ZBTB20: variants seen among roughly 807,000 people sequenced by gnomAD.
The protein encoded by ZBTB20 is zinc finger and BTB domain containing 20, also known as zinc finger and BTB domain-containing protein 20.
ZBTB20 carries 9 observed loss-of-function variants against 56.9 expected under a neutral mutation model. The observed-to-expected ratio is 0.16, with a 90% CI of 0.10 to 0.28. The LOEUF is 0.28. ZBTB20 is among the 10% of genes least tolerant of loss of function. The pLI is 1.00. For synonymous variants in ZBTB20, 417 were observed against 420.7 expected (o/e 0.99, Z 0.11); for missense variants, 655 against 1,003.0 (o/e 0.65, Z 4.69).
rs2089251243 is a variant in ZBTB20, at chr3:114,422,289, G to A, written c.-254-33184C>T. Among the ~76,000 whole-genome samples, 4 of 152,134 alleles carry A rather than the reference G, an allele frequency of 2.6e-5. No individual in the cohort carries two copies. In the South Asian group the frequency reaches 8.3e-4, roughly 32 times the overall value. On this transcript the variant is annotated intron_variant, in intron 7 of 11. Transcript: ENST00000675478. ...CTAGAAGCCACTCTTAGACAACAAA[G>A]GACACAGTCCCCTTTGGAGTTGTTG...
Position 114,825,503 on chromosome 3 carries a change from A to G in ZBTB20, c.-416-24329T>C, listed in dbSNP as rs562595710. Among the ~76,000 whole-genome samples the G allele has an allele frequency of 6.4e-4, 98 of 152,014 alleles. 1 individual carries two copies. In the South Asian group the frequency reaches 0.015, roughly 23 times the overall value. On this transcript the variant is annotated intron_variant, in intron 4 of 11. Transcript: ENST00000675478. ...CAGAAGGGGGTTCCACTTCCTAAAAACATTTAGGAGGCCATGGGGAGACCA... is the reference window on the plus strand; with the variant it reads ...CAGAAGGGGGTTCCACTTCCTAAAAGCATTTAGGAGGCCATGGGGAGACCA...
intron 2 of ZBTB20, among the ~76,000 whole-genome samples, chr3:114,998,031 A>G (rs1374171436): frequency 6.6e-6 from 1 of 151,816 alleles, no homozygotes; most frequent in Non-Finnish European, 1.5e-5. Flanking sequence ...ATGTTTTGAT[A>G]TAACTATAAA....
At position 114,907,906 on chromosome 3, in the gene ZBTB20, T is replaced by G. The variant is rs369063620; in HGVS notation, c.-455-7564A>C. 2.6e-3 allele frequency among the ~76,000 whole-genome samples: 389 copies of G among 151,974 alleles called. 1 individual carries two copies. The highest frequency in any genetic ancestry group is 9.0e-3 in the African/African-American group (373 of 41,492). ...TAGAATGACAGACAATTATCTGCGC[T>G]AAGGAATTAAAATAAAGCAGGGAAA... On this transcript the variant is annotated intron_variant, in intron 3 of 11. Coordinates refer to ENST00000675478, the MANE Select transcript of ZBTB20 (RefSeq NM_001348800.3).
At chr3:114,419,559 T>C (rs960443853) in intron 7 of ZBTB20, among the ~76,000 whole-genome samples, 1 of 152,118 alleles carries the variant, frequency 6.6e-6, no homozygotes, top group East Asian at 1.9e-4. Context: ...GATAGGGACC[T>C]GTACAGTTCT....
chr3:114,972,152 A>G (rs1436707000), intron 3 of ZBTB20, among the ~76,000 whole-genome samples: 1 of 152,216 alleles, frequency 6.6e-6, no homozygotes, highest in Admixed American at 6.5e-5. Flanking sequence ...GAAAAAGGAG[A>G]TTCTAACATT....
chr3:114,327,131 C>T lies in ZBTB20; in HGVS notation c.*11874G>A, dbSNP rs570721584. 1.3e-5 allele frequency: 2 copies of T among 152,198 alleles called. No homozygotes were observed. Among genetic ancestry groups the T allele is most frequent in the East Asian group, 3.9e-4 (2 of 5,188 alleles). 9.4% of individuals were successfully genotyped at this position (152,198 alleles called of 1,614,324 possible). ...GGTGTCAGCTTGGAAAGACAGGAGG[C>T]TCATAAGCAATAATAAATTCACACC... is the stretch of plus-strand genomic sequence containing the variant. On this transcript the variant is annotated 3_prime_UTR_variant, in exon 12 of 12. Transcript: ENST00000675478.
intron 2 of ZBTB20, among the ~76,000 whole-genome samples, chr3:114,978,221 T>C (rs959902655): frequency 2.0e-5 from 3 of 149,784 alleles, no homozygotes; most frequent in Non-Finnish European, 4.4e-5. Flanking sequence ...TCTTCTAAAA[T>C]ATGGAATGCA....
intron 6 of ZBTB20, among the ~76,000 whole-genome samples, chr3:114,581,030 G>A (rs2054589093): frequency 6.6e-6 from 1 of 151,880 alleles, no homozygotes; most frequent in East Asian, 1.9e-4. Context: ...ATCTTACCAA[G>A]TAAAAAGAAT....
At chr3:114,469,471 A>G (rs1474954093) in intron 7 of ZBTB20, among the ~76,000 whole-genome samples, 2 of 152,138 alleles carry the variant, frequency 1.3e-5, no homozygotes, top group African/African-American at 4.8e-5. Context: ...ATTTCCCTTC[A>G]TTTCCCATCT....
intron 6 of ZBTB20, among the ~76,000 whole-genome samples, chr3:114,532,458 G>C (rs1167635974): frequency 6.6e-6 from 1 of 152,210 alleles, no homozygotes; most frequent in Non-Finnish European, 1.5e-5. Context: ...TCTGAGCAGG[G>C]CATCTCTGAA....
intron 6 of ZBTB20, among the ~76,000 whole-genome samples, chr3:114,585,152 C>G (rs921193395): frequency 2.0e-5 from 3 of 151,868 alleles, no homozygotes; most frequent in Non-Finnish European, 2.9e-5. Context: ...AACAGAACGG[C>G]GAGAGGCTGA....
At chr3:114,501,570 G>C (rs2043967929) in intron 6 of ZBTB20, among the ~76,000 whole-genome samples, 1 of 140,958 alleles carries the variant, frequency 7.1e-6, no homozygotes, top group Non-Finnish European at 1.5e-5. Flanking sequence ...AGGTTGCAGT[G>C]AGCCCACATC....
At chr3:115,092,849 G>A (rs947679717) in intron 1 of ZBTB20, among the ~76,000 whole-genome samples, 2 of 152,066 alleles carry the variant, frequency 1.3e-5, no homozygotes, top group Non-Finnish European at 2.9e-5. Context: ...GTTAAGCTAA[G>A]AAAAATCATC....
chr3:114,381,475 C>G (rs2108536485), intron 8 of ZBTB20, among the ~76,000 whole-genome samples: 1 of 152,330 alleles, frequency 6.6e-6, no homozygotes, highest in Non-Finnish European at 1.5e-5. Flanking sequence ...CCCTAGACCA[C>G]AGCCAAACTG....
intron 6 of ZBTB20, among the ~76,000 whole-genome samples, chr3:114,507,012 G>A (rs1434492413): frequency 1.3e-5 from 2 of 152,202 alleles, no homozygotes; most frequent in Non-Finnish European, 2.9e-5. Flanking sequence ...TCTATTTTAG[G>A]AGACAGAGAT....
intron 6 of ZBTB20, among the ~76,000 whole-genome samples, chr3:114,521,869 A>G (rs2046677517): frequency 6.6e-6 from 1 of 152,192 alleles, no homozygotes; most frequent in Admixed American, 6.5e-5. Flanking sequence ...AGCCTATGCC[A>G]CAATATTATG....
At chr3:114,600,835 A>G (rs1263360609) in intron 6 of ZBTB20, among the ~76,000 whole-genome samples, 2 of 152,028 alleles carry the variant, frequency 1.3e-5, no homozygotes, top group Non-Finnish European at 2.9e-5. Flanking sequence ...AGATATAAGT[A>G]TATCATGTTA....
At chr3:114,812,652 C>T (rs1253583564) in intron 4 of ZBTB20, among the ~76,000 whole-genome samples, 1 of 152,230 alleles carries the variant, frequency 6.6e-6, no homozygotes, top group Non-Finnish European at 1.5e-5. Flanking sequence ...ATCCCGCACC[C>T]GGGCTGCAGG....
chr3:114,820,096 T>C (rs2073154069), intron 4 of ZBTB20, among the ~76,000 whole-genome samples: 1 of 151,960 alleles, frequency 6.6e-6, no homozygotes, highest in African/African-American at 2.4e-5. Flanking sequence ...TTACATCCTC[T>C]AGCCCAGAAA....
Sources: gnomAD v4.1 joint callset for allele counts (sites outside exome capture counted in the v4.1 genomes callset) on GRCh38, gnomAD v4.1.1 for gene constraint, MANE v1.5 for transcripts, NCBI Gene and HGNC (gene_info 2026-07-23, HGNC 2026-07-21) for gene names.